Variants in SLC26A4 observed in about 807,000 individuals in gnomAD.
The protein encoded by SLC26A4 is pendrin.
Under a neutral mutation model 90.4 loss-of-function variants are expected in SLC26A4, and 93 were observed. The observed-to-expected ratio is 1.03, with a 90% CI of 0.87 to 1.22. The LOEUF is 1.22. Among genes scored for constraint, SLC26A4 ranks in the 50% most tolerant of loss-of-function variants. The pLI is 0.00. For synonymous variants in SLC26A4, 393 were observed against 354.6 expected (o/e 1.11, Z -1.22); for missense variants, 1,127 against 946.2 (o/e 1.19, Z -2.51).
intron 20 of SLC26A4, among the ~76,000 whole-genome samples, chr7:107,713,108 T>C (rs930720130): frequency 2.6e-5 from 4 of 152,202 alleles, no homozygotes; most frequent in Admixed American, 6.5e-5. Context: ...ATCAGACTAT[T>C]CCTAGGAAAC....
At chr7:107,675,461 C>T (rs963084301) in intron 6 of SLC26A4, among the ~76,000 whole-genome samples, 5 of 151,558 alleles carry the variant, frequency 3.3e-5, no homozygotes, top group East Asian at 3.9e-4. Context: ...GAGCTGTGAT[C>T]GCCCCACTGC....
At chr7:107,663,761 G>A (rs1340758338) in intron 3 of SLC26A4, among the ~76,000 whole-genome samples, 1 of 152,122 alleles carries the variant, frequency 6.6e-6, no homozygotes, top group African/African-American at 2.4e-5. Context: ...CTGGCTCACT[G>A]CAAGCTCCGT....
chr7:107,691,508 T>TACACAC (rs1562833956), intron 10 of SLC26A4, among the ~76,000 whole-genome samples: 9 of 54,076 alleles, frequency 1.7e-4, no homozygotes, highest in African/African-American at 5.0e-4. Context: ...GTGTCAAATA[T>TACACAC]ATATATACAC....
chr7:107,681,399 C>T lies in SLC26A4; in HGVS notation c.766-1803C>T, dbSNP rs1160354241. Among the ~76,000 whole-genome samples, 3 of 152,110 alleles carry T rather than the reference C, an allele frequency of 2.0e-5. No individual in the cohort carries two copies. The East Asian group carries it at 5.8e-4, about 29-fold the overall frequency. Reference sequence around the variant, plus strand: ...TAGATTACTTAAGGTTCATTAAGTACTTAAAGTTCATTAAGCTCATACATA... The same window carrying T: ...TAGATTACTTAAGGTTCATTAAGTATTTAAAGTTCATTAAGCTCATACATA... On this transcript the variant is annotated intron_variant, in intron 6 of 20. Coordinates refer to ENST00000644269, the MANE Select transcript of SLC26A4 (RefSeq NM_000441.2).
chr7:107,692,243 T>C (rs1324246108), intron 10 of SLC26A4, among the ~76,000 whole-genome samples: 1 of 152,220 alleles, frequency 6.6e-6, no homozygotes, highest in Admixed American at 6.5e-5. Flanking sequence ...AATGGCTTCA[T>C]GTTTAATTAT....
At chr7:107,702,804 G>T (rs755916511) in intron 17 of SLC26A4, among the ~76,000 whole-genome samples, 1 of 151,962 alleles carries the variant, frequency 6.6e-6, no homozygotes, top group Non-Finnish European at 1.5e-5. Context: ...AGAAAAAAAT[G>T]GGCAAAAGTT....
intron 10 of SLC26A4, among the ~76,000 whole-genome samples, chr7:107,694,151 G>A (rs1791663360): frequency 6.6e-6 from 1 of 152,108 alleles, no homozygotes; most frequent in South Asian, 2.1e-4. Flanking sequence ...TGTCAAACTG[G>A]CTTTAATTTC....
At chr7:107,699,686 T>C (rs1434111355) in intron 14 of SLC26A4, among the ~76,000 whole-genome samples, 3 of 152,084 alleles carry the variant, frequency 2.0e-5, no homozygotes, top group East Asian at 1.9e-4. Flanking sequence ...CCCAGCACTT[T>C]GGGAGGCTGA....
chr7:107,680,817 GATA>G (rs1422249154), intron 6 of SLC26A4, among the ~76,000 whole-genome samples: 3 of 152,098 alleles, frequency 2.0e-5, no homozygotes, highest in East Asian at 1.9e-4. Context: ...GTGTGATTGG[GATA>G]ATGATTCCAA....
In SLC26A4 at chr7:107,661,956, C is replaced by T. The variant is rs1386501434; in HGVS notation, c.164+151C>T. The T allele has an allele frequency of 1.2e-6, 1 of 821,688 alleles. No homozygotes were observed. Among genetic ancestry groups the T allele is most frequent in the Non-Finnish European group, 1.9e-6 (1 of 540,068 alleles). The allele number at this position is 821,688 out of a possible 1,614,324, so 50.9% of individuals were successfully genotyped here. A position where few individuals can be genotyped will look rare whatever the true frequency, so the allele number is the denominator to read the frequency against. On this transcript the variant is annotated intron_variant, in intron 2 of 20. Transcript: ENST00000644269. The surrounding 1 kb of genome is among the most constrained non-coding windows in gnomAD (Gnocchi z 5.1). Reference sequence around the variant, plus strand: ...CTCCCAGAGGCCCGACTTTCGGTCTCCGGTCCTCCACGCCGCCCTTCTGGT... The same window carrying T: ...CTCCCAGAGGCCCGACTTTCGGTCTTCGGTCCTCCACGCCGCCCTTCTGGT...
chr7:107,704,506 T>G, intron 18 of SLC26A4, 121 bp downstream of exon 18: 3 of 609,134 alleles, frequency 4.9e-6, no homozygotes, highest in Non-Finnish European at 8.9e-6. Flanking sequence ...AGATCTCAAT[T>G]GTCATTATTT....
At chr7:107,694,317 C>T in intron 10 of SLC26A4, 86 bp from the exon 11 acceptor site, 7 of 955,548 alleles carry the variant, frequency 7.3e-6, no homozygotes, top group Non-Finnish European at 1.0e-5. Context: ...TGTCTGTGAA[C>T]AGGCTGTCTC....
rs576278412 is a variant in SLC26A4, at chr7:107,717,753, A to G, written c.*2307A>G. ...CATTTGAAAATATTTGCACACATTT[A>G]AAAATAAATGTAAAGTTGTCTTTTA... On this transcript the variant is annotated 3_prime_UTR_variant, in exon 21 of 21. Coordinates refer to ENST00000644269, the MANE Select transcript of SLC26A4 (RefSeq NM_000441.2). 3.3e-5 allele frequency: 5 copies of G among 152,772 alleles called. No individual in the cohort carries two copies. The highest frequency in any genetic ancestry group is 2.6e-4 in the Admixed American group (4 of 15,304). The allele number at this position is 152,772 out of a possible 1,614,324, so 9.5% of individuals were successfully genotyped here. A position where few individuals can be genotyped will look rare whatever the true frequency, so the allele number is the denominator to read the frequency against.
At chr7:107,708,959 G>T (rs1468136694) in intron 18 of SLC26A4, among the ~76,000 whole-genome samples, 1 of 152,208 alleles carries the variant, frequency 6.6e-6, no homozygotes, top group African/African-American at 2.4e-5. Context: ...GTAGGAAAGT[G>T]CTAAGGCTTA....
intron 8 of SLC26A4, among the ~76,000 whole-genome samples, chr7:107,683,873 C>T (rs1791324557): frequency 6.6e-6 from 1 of 152,148 alleles, no homozygotes; most frequent in Non-Finnish European, 1.5e-5. Context: ...ATCTATTGCA[C>T]TGTGAACAAT....
intron 15 of SLC26A4, among the ~76,000 whole-genome samples, chr7:107,700,478 G>C (rs542162184): frequency 6.6e-6 from 1 of 152,308 alleles, no homozygotes; most frequent in South Asian, 2.1e-4. Flanking sequence ...AGAGTTCATA[G>C]AAGGAAGAGA....
chr7:107,695,865 A>T, intron 12 of SLC26A4, 68 bp from the exon 13 acceptor site: 3 of 836,108 alleles, frequency 3.6e-6, no homozygotes, highest in Non-Finnish European at 6.4e-6. Context: ...TTATTTTTAT[A>T]GGTAGTTATC....
chr7:107,669,838 T>A (rs572504218), intron 3 of SLC26A4, among the ~76,000 whole-genome samples: 1 of 152,300 alleles, frequency 6.6e-6, no homozygotes, highest in South Asian at 2.1e-4. Context: ...TCAGTAAATA[T>A]CTTACTAGGC....
chr7:107,689,308 C>A, intron 9 of SLC26A4, 108 bp downstream of exon 9: 1 of 1,169,820 alleles, frequency 8.5e-7, no homozygotes, highest in Non-Finnish European at 1.3e-6. Context: ...ATTCTTTCAC[C>A]AGACCTTATT....
Sources: gnomAD v4.1 joint callset for allele counts (sites outside exome capture counted in the v4.1 genomes callset) on GRCh38, gnomAD v4.1.1 for gene constraint, Gnocchi (gnomAD v3.1) non-coding constraint, MANE v1.5 for transcripts, NCBI Gene and HGNC (gene_info 2026-07-23, HGNC 2026-07-21) for gene names.